The following RBFOX1 variants were observed in gnomAD, a reference collection of about 807,000 sequenced individuals.
The protein encoded by RBFOX1 is RNA binding fox-1 homolog 1, also known as RNA binding protein fox-1 homolog 1.
In RBFOX1, 8 loss-of-function variants were observed where a neutral mutation model predicts 57.7. That is an observed-to-expected ratio of 0.14 (90% CI 0.08 to 0.25). RBFOX1 has a LOEUF of 0.25. RBFOX1 is among the 10% of genes least tolerant of loss of function. The pLI, the probability that RBFOX1 is intolerant of heterozygous loss-of-function variation, is 1.00. For missense variants in RBFOX1, 611 were observed against 548.5 expected, an observed-to-expected ratio of 1.11 and a Z score of -1.14; for synonymous variants, 326 against 222.4, an observed-to-expected ratio of 1.47 and a Z score of -4.15.
intron 1 of RBFOX1, among the ~76,000 whole-genome samples, chr16:5,287,255 G>T (rs2151163653): frequency 6.6e-6 from 1 of 152,128 alleles, no homozygotes; most frequent in East Asian, 1.9e-4. Flanking sequence ...AGTGAGCTCT[G>T]ACTGTTCCAC....
chr16:5,940,794 T>A (rs1479019564), intron 4 of RBFOX1, among the ~76,000 whole-genome samples: 3 of 152,070 alleles, frequency 2.0e-5, no homozygotes, highest in African/African-American at 7.2e-5. Flanking sequence ...CTGGCACATA[T>A]GGGACTTGGG....
At chr16:5,653,992 G>T (rs1056159003) in intron 3 of RBFOX1, among the ~76,000 whole-genome samples, 1 of 152,218 alleles carries the variant, frequency 6.6e-6, no homozygotes, top group Non-Finnish European at 1.5e-5. Context: ...CACGCAGCAG[G>T]GTGGGCAGGC....
intron 7 of RBFOX1, among the ~76,000 whole-genome samples, chr16:7,587,963 G>C (rs1335302288): frequency 6.6e-6 from 1 of 152,174 alleles, no homozygotes; most frequent in African/African-American, 2.4e-5. Context: ...TGGATCACCT[G>C]AGGTCAGGAG....
rs939114078 is a variant in RBFOX1 at position 5,838,228 on chromosome 16, C to T, written c.319-29075C>T. The T allele has an allele frequency of 5.9e-5, 12 of 203,134 alleles. No individual in the cohort carries two copies. In the South Asian group the frequency reaches 7.2e-4, roughly 12 times the overall value. 12.6% of individuals were successfully genotyped at this position (203,134 alleles called of 1,614,324 possible). A position where few individuals can be genotyped will look rare whatever the true frequency, so the allele number is the denominator to read the frequency against. ...ACACATTACGTAGGAGATGTAGCTG[C>T]GTGGTGTCTGATCTTGCCACGTGTG... On this transcript the variant is annotated intron_variant, in intron 3 of 19. Coordinates refer to the RBFOX1 transcript ENST00000641259.
intron 3 of RBFOX1, among the ~76,000 whole-genome samples, chr16:6,893,746 A>G (rs572949956): frequency 1.3e-5 from 2 of 152,356 alleles, no homozygotes; most frequent in South Asian, 2.1e-4. Flanking sequence ...TGCATTTATC[A>G]TGAAGACCAA....
intron 11 of RBFOX1, among the ~76,000 whole-genome samples, chr16:7,635,055 C>G (rs190127258): frequency 3.9e-5 from 6 of 152,310 alleles, no homozygotes; most frequent in Admixed American, 1.3e-4. Context: ...GCCTGCTCCT[C>G]TTGTTGAGGG....
chr16:6,719,962 C>T (rs192737526), intron 3 of RBFOX1, among the ~76,000 whole-genome samples: 2 of 151,944 alleles, frequency 1.3e-5, no homozygotes, highest in East Asian at 3.9e-4. Context: ...GGGGTGATGG[C>T]AGGCGTCTAT....
At chr16:6,988,347 C>G (rs377656868) in intron 3 of RBFOX1, among the ~76,000 whole-genome samples, 1 of 152,122 alleles carries the variant, frequency 6.6e-6, no homozygotes, top group Admixed American at 6.5e-5. Context: ...ATCTTACTGT[C>G]CACTGTAGTA....
chr16:7,050,029 C>T (rs146702559), intron 3 of RBFOX1, among the ~76,000 whole-genome samples: 1 of 152,140 alleles, frequency 6.6e-6, no homozygotes. Context: ...TAACCCAGTC[C>T]TCTGGCAACA....
At chr16:5,781,312 T>C (rs950761454) in intron 3 of RBFOX1, among the ~76,000 whole-genome samples, 2 of 152,182 alleles carry the variant, frequency 1.3e-5, no homozygotes, top group African/African-American at 4.8e-5. Flanking sequence ...CATAGCCTCC[T>C]CCTCTTGACT....
intron 2 of RBFOX1, among the ~76,000 whole-genome samples, chr16:5,526,254 A>G (rs1184687121): frequency 1.3e-5 from 2 of 151,574 alleles, no homozygotes; most frequent in African/African-American, 4.9e-5. Flanking sequence ...CCTGACAGCA[A>G]CCCTAAGCAA....
At chr16:6,657,391 C>T (rs1004905171) in intron 3 of RBFOX1, among the ~76,000 whole-genome samples, 16 of 152,188 alleles carry the variant, frequency 1.1e-4, no homozygotes, top group Middle Eastern at 3.4e-3. Context: ...AAGAAGCAAA[C>T]GCTAATGATC....
At chr16:6,701,296 G>T (rs1006193609) in intron 3 of RBFOX1, among the ~76,000 whole-genome samples, 6 of 152,242 alleles carry the variant, frequency 3.9e-5, no homozygotes, top group African/African-American at 1.2e-4. Context: ...GCTGACAGCT[G>T]TGGCTGCCTG....
chr16:6,061,139 C>T (rs559311290), intron 1 of RBFOX1, among the ~76,000 whole-genome samples: 1 of 152,268 alleles, frequency 6.6e-6, no homozygotes, highest in African/African-American at 2.4e-5. Flanking sequence ...ATCTGCTGGA[C>T]CAGAGGAGGG....
At chr16:7,156,576 C>G (rs542420235) in intron 4 of RBFOX1, among the ~76,000 whole-genome samples, 51 of 151,920 alleles carry the variant, frequency 3.4e-4, no homozygotes, top group Admixed American at 2.9e-3. Context: ...TATGTATGCA[C>G]ATTTGCATGC....
At chr16:6,007,343 A>G (rs1020517704) in intron 4 of RBFOX1, among the ~76,000 whole-genome samples, 1 of 152,214 alleles carries the variant, frequency 6.6e-6, no homozygotes, top group East Asian at 1.9e-4. Flanking sequence ...CACTGGAGAT[A>G]CTAACATGAC....
At chr16:7,175,652 C>A (rs1329009432) in intron 4 of RBFOX1, among the ~76,000 whole-genome samples, 1 of 152,222 alleles carries the variant, frequency 6.6e-6, no homozygotes, top group Non-Finnish European at 1.5e-5. Context: ...TGTGTGCCTC[C>A]AGTGTGCAGC....
At chr16:5,803,910 C>T (rs1419898212) in intron 3 of RBFOX1, among the ~76,000 whole-genome samples, 1 of 152,190 alleles carries the variant, frequency 6.6e-6, no homozygotes, top group African/African-American at 2.4e-5. Flanking sequence ...GCATATACTG[C>T]TCTCTCTGCC....
At chr16:5,777,881 G>A (rs1326409859) in intron 3 of RBFOX1, among the ~76,000 whole-genome samples, 1 of 152,102 alleles carries the variant, frequency 6.6e-6, no homozygotes, top group African/African-American at 2.4e-5. Context: ...ATCATAAGTA[G>A]GCATCTCTTC....
Sources: gnomAD v4.1 joint callset for allele counts (sites outside exome capture counted in the v4.1 genomes callset) on GRCh38, gnomAD v4.1.1 for gene constraint, MANE v1.5 for transcripts, NCBI Gene and HGNC (gene_info 2026-07-23, HGNC 2026-07-21) for gene names.